DOCK3: variants seen among roughly 807,000 people sequenced by gnomAD.
The protein encoded by DOCK3 is dedicator of cytokinesis 3.
In DOCK3, 60 loss-of-function variants were observed where a neutral mutation model predicts 265.6. The observed-to-expected ratio is 0.23, with a 90% CI of 0.18 to 0.28. The LOEUF is 0.28. DOCK3 is among the 10% of genes least tolerant of loss of function. DOCK3 has a pLI of 1.00. For synonymous variants in DOCK3, 881 were observed against 938.0 expected, an observed-to-expected ratio of 0.94 and a Z score of 1.11; for missense variants, 1,981 against 2,594.3, an observed-to-expected ratio of 0.76 and a Z score of 5.14.
chr3:50,856,579 C>G (rs1312526727), intron 3 of DOCK3, among the ~76,000 whole-genome samples: 1 of 151,956 alleles, frequency 6.6e-6, no homozygotes, highest in Non-Finnish European at 1.5e-5. Flanking sequence ...CATGTGGACT[C>G]TGAATATTAG....
chr3:50,748,836 T>C (rs2039612379), intron 1 of DOCK3, among the ~76,000 whole-genome samples: 1 of 152,214 alleles, frequency 6.6e-6, no homozygotes, highest in African/African-American at 2.4e-5. Flanking sequence ...TTTAATTACT[T>C]GGTAGGCTGG....
chr3:51,138,714 A>G (rs1010816385), intron 9 of DOCK3, among the ~76,000 whole-genome samples: 1 of 152,238 alleles, frequency 6.6e-6, no homozygotes, highest in African/African-American at 2.4e-5. Context: ...AGATTCACAG[A>G]GCGTATAATG....
At chr3:50,732,489 T>A (rs2038285253) in intron 1 of DOCK3, among the ~76,000 whole-genome samples, 1 of 151,116 alleles carries the variant, frequency 6.6e-6, no homozygotes, top group Non-Finnish European at 1.5e-5. Context: ...ACAGTAACCT[T>A]GAACCCCTGG....
intron 2 of DOCK3, among the ~76,000 whole-genome samples, chr3:50,811,566 A>G (rs981137545): frequency 6.6e-6 from 1 of 152,246 alleles, no homozygotes; most frequent in Non-Finnish European, 1.5e-5. Context: ...AGATATTGGC[A>G]CAGATATGTT....
intron 5 of DOCK3, among the ~76,000 whole-genome samples, chr3:50,979,694 C>T (rs1272331168): frequency 6.6e-6 from 1 of 152,206 alleles, no homozygotes; most frequent in Non-Finnish European, 1.5e-5. Flanking sequence ...TACCCAGCCT[C>T]AGGTATACAT....
At chr3:51,019,357 C>T (rs979370486) in intron 5 of DOCK3, among the ~76,000 whole-genome samples, 5 of 151,888 alleles carry the variant, frequency 3.3e-5, no homozygotes, top group Admixed American at 3.3e-4. Context: ...AAATGCTTTT[C>T]TCACTATACT....
intron 5 of DOCK3, among the ~76,000 whole-genome samples, chr3:50,982,842 A>T (rs964694809): frequency 2.0e-5 from 3 of 152,066 alleles, no homozygotes; most frequent in African/African-American, 7.2e-5. Context: ...GGCTGCAAGG[A>T]GGCCCAGCCA....
intron 5 of DOCK3, among the ~76,000 whole-genome samples, chr3:51,024,527 T>A (rs2108901460): frequency 6.6e-6 from 1 of 152,218 alleles, no homozygotes; most frequent in Admixed American, 6.5e-5. Context: ...GGGTGAAGGG[T>A]GAGAGCTACC....
intron 2 of DOCK3, among the ~76,000 whole-genome samples, chr3:50,838,585 G>A (rs1464758268): frequency 6.6e-6 from 1 of 152,148 alleles, no homozygotes; most frequent in East Asian, 1.9e-4. Context: ...CTGAAATTTT[G>A]TAAAGTCAAG....
chr3:50,908,936 T>C (rs13088041), intron 4 of DOCK3, among the ~76,000 whole-genome samples: 14,367 of 151,664 alleles, frequency 0.095, 846 homozygotes, highest in Non-Finnish European at 0.12. Context: ...TTTAGCTCTT[T>C]CTATTGAATT....
At chr3:50,920,222 G>T (rs762014293) in intron 4 of DOCK3, among the ~76,000 whole-genome samples, 5 of 151,994 alleles carry the variant, frequency 3.3e-5, no homozygotes, top group Non-Finnish European at 7.4e-5. Flanking sequence ...TTTTTGTTGT[G>T]CCTCTGCTAG....
In DOCK3 at chr3:51,348,835, T is replaced by A; in HGVS notation, c.3916-17T>A. The A allele has an allele frequency of 6.4e-7, 1 of 1,562,436 alleles. No individual in the cohort carries two copies. Among genetic ancestry groups the A allele is most frequent in the East Asian group, 2.4e-5 (1 of 41,842 alleles). ...TGAAGATGAGATGCTGAAGCCCTGT[T>A]TCTGTTTCTGACACAGAGCTGGGAG... On this transcript the variant is annotated splice_polypyrimidine_tract_variant and intron_variant, in intron 38 of 52. Transcript: ENST00000266037.
rs569661030 is a variant in DOCK3 at position 51,257,382 on chromosome 3, A to G, written c.2185-2774A>G. ...TCTTCCTTAATACTTTTGATTCAAT[A>G]TATCTTTCCACTCATAACCTTATCT... is the stretch of plus-strand genomic sequence containing the variant. On this transcript the variant is annotated intron_variant, in intron 22 of 52. Coordinates refer to ENST00000266037, the MANE Select transcript of DOCK3 (RefSeq NM_004947.5). 1.7e-3 allele frequency among the ~76,000 whole-genome samples: 254 copies of G among 152,366 alleles called. 3 individuals carry two copies. The highest frequency in any genetic ancestry group is 5.8e-3 in the African/African-American group (240 of 41,584).
At position 51,338,952 on chromosome 3, in the gene DOCK3, G is replaced by A. The variant is rs553960089; in HGVS notation, c.3690G>A (p.Glu1230=). 1.9e-6 allele frequency: 3 copies of A among 1,609,150 alleles called. No homozygotes were observed. Among genetic ancestry groups the A allele is most frequent in the African/African-American group, 2.7e-5 (2 of 74,998 alleles). Residue 1230 remains glutamate (E), a synonymous_variant, in exon 37 of 53, where the codon GAG becomes GAA. Transcript: ENST00000266037. ...TATTGTAGAATTTTTACAAATCTGA[G>A]ATTAACAAGGAAGAAATGTATATCC... is the stretch of plus-strand genomic sequence containing the variant. ...TVNLMNFYKS[E]INKEEMYIRY...
chr3:51,099,066 A>G (rs1044066882), intron 9 of DOCK3, among the ~76,000 whole-genome samples: 5 of 152,354 alleles, frequency 3.3e-5, no homozygotes, highest in Non-Finnish European at 5.9e-5. Context: ...TAAGTTTTTC[A>G]TCAGTATATT....
rs35261130 is a variant in DOCK3 at position 50,693,530 on chromosome 3, C to CTT, written c.37+18252_37+18253dup. On this transcript the variant is annotated intron_variant, in intron 1 of 52. Coordinates refer to ENST00000266037, the MANE Select transcript of DOCK3 (RefSeq NM_004947.5). ...TCATATTGTTCATTAATTTCCTTTC[C>CTT]TTTTTTTTTTTTTTTTTTTTTTTAA... Among the ~76,000 whole-genome samples the CTT allele has an allele frequency of 1.5e-3, 97 of 64,236 alleles. 1 individual carries two copies. The highest frequency in any genetic ancestry group is 2.2e-3 in the South Asian group (3 of 1,358). 42.1% of individuals were successfully genotyped at this position (64,236 alleles called of 152,430 possible). A position where few individuals can be genotyped will look rare whatever the true frequency, so the allele number is the denominator to read the frequency against.
rs568701524 is a variant in DOCK3 at position 51,287,521 on chromosome 3, C to T, written c.2922+7317C>T. Among the ~76,000 whole-genome samples, 5 of 152,058 alleles carry T rather than the reference C, an allele frequency of 3.3e-5. No homozygotes were observed. In the East Asian group the frequency reaches 5.8e-4, roughly 18 times the overall value. ...AGCTGATTGTACCACAGTTCTCCCA[C>T]GTGGGTGACAGGAAAAGACCCTGTC... is the stretch of plus-strand genomic sequence containing the variant. On this transcript the variant is annotated intron_variant, in intron 27 of 52. Coordinates refer to ENST00000266037, the MANE Select transcript of DOCK3 (RefSeq NM_004947.5).
At chr3:51,378,203 G>A (rs1458095902) in intron 51 of DOCK3, among the ~76,000 whole-genome samples, 3 of 152,138 alleles carry the variant, frequency 2.0e-5, no homozygotes, top group Admixed American at 6.5e-5. Context: ...CCTTCCTGCC[G>A]CCAGCTATCA....
intron 3 of DOCK3, among the ~76,000 whole-genome samples, chr3:50,846,282 A>G (rs757542885): frequency 6.6e-6 from 1 of 152,174 alleles, no homozygotes; most frequent in African/African-American, 2.4e-5. Context: ...GAATAGGGGC[A>G]TATAGTTGTA....
Sources: allele counts gnomAD v4.1 joint callset (sites outside exome capture counted in the v4.1 genomes callset), GRCh38; gene constraint gnomAD v4.1.1; transcripts MANE v1.5; gene names NCBI Gene and HGNC (gene_info 2026-07-23, HGNC 2026-07-21).